The following DRD3 variants were observed in gnomAD, a reference collection of about 807,000 sequenced individuals.
DRD3 encodes the protein D(3) dopamine receptor.
DRD3 carries 19 observed loss-of-function variants against 36.3 expected under a neutral mutation model. The observed-to-expected ratio is 0.52, with a 90% CI of 0.36 to 0.77. The LOEUF (loss-of-function observed/expected upper bound fraction) is 0.77. Among genes scored for constraint, DRD3 ranks in the 30% least tolerant of loss-of-function variants. The probability of loss-of-function intolerance (pLI) is 0.00; values close to 1 mark genes in which losing one functional copy is unlikely to be tolerated. For synonymous variants in DRD3, 195 were observed against 203.7 expected (o/e 0.96, Z 0.36); for missense variants, 465 against 505.3 (o/e 0.92, Z 0.77).
At chr3:114,175,505 C>T (rs958073672) in intron 1 of DRD3, among the ~76,000 whole-genome samples, 31 of 152,244 alleles carry the variant, frequency 2.0e-4, no homozygotes, top group African/African-American at 7.5e-4. Context: ...GAAGTTGAAA[C>T]AATTAGCTGA....
At chr3:114,139,426 T>G (rs1387709944) in intron 5 of DRD3, 74 bp downstream of exon 5, 1 of 1,417,288 alleles carries the variant, frequency 7.1e-7, no homozygotes, top group Admixed American at 2.1e-5. Context: ...GGCAAAATCA[T>G]GCACTGCTGG....
At chr3:114,147,625 T>C (rs1409927561) in intron 3 of DRD3, 68 bp from the exon 4 acceptor site, 16 of 1,556,996 alleles carry the variant, frequency 1.0e-5, no homozygotes, top group Non-Finnish European at 1.3e-5. Flanking sequence ...TTCTGCGTTG[T>C]TGTTGTTGTT....
intron 4 of DRD3, among the ~76,000 whole-genome samples, chr3:114,141,008 C>T (rs1039815154): frequency 5.3e-5 from 8 of 152,120 alleles, no homozygotes; most frequent in East Asian, 1.9e-4. Flanking sequence ...ATCTTGGACA[C>T]GTTTCTTTAA....
chr3:114,196,951 C>T (rs926551276), intron 1 of DRD3, among the ~76,000 whole-genome samples: 9 of 150,268 alleles, frequency 6.0e-5, no homozygotes, highest in African/African-American at 2.0e-4. Flanking sequence ...ACCTAATAGT[C>T]TTTTTTAAAT....
chr3:114,196,607 C>T (rs1172648171), intron 1 of DRD3, among the ~76,000 whole-genome samples: 1 of 151,758 alleles, frequency 6.6e-6, no homozygotes, highest in Non-Finnish European at 1.5e-5. Context: ...ACCAACAATG[C>T]ATAAATGTTC....
At chr3:114,136,616 A>G (rs1204993019) in intron 5 of DRD3, among the ~76,000 whole-genome samples, 4 of 152,244 alleles carry the variant, frequency 2.6e-5, no homozygotes, top group Non-Finnish European at 5.9e-5. Context: ...TATCGTTTAA[A>G]ATGATTATCT....
intron 1 of DRD3, chr3:114,176,246 T>C (rs942948810): frequency 2.6e-5 from 4 of 152,194 alleles, no homozygotes; most frequent in Non-Finnish European, 5.9e-5. Flanking sequence ...TACTACTGTG[T>C]GGCAAGTATG....
intron 5 of DRD3, among the ~76,000 whole-genome samples, chr3:114,133,586 G>T (rs2077449670): frequency 6.6e-6 from 1 of 152,232 alleles, no homozygotes; most frequent in Admixed American, 6.5e-5. Context: ...CTTTAGGCAA[G>T]TTAATTTAAT....
intron 1 of DRD3, among the ~76,000 whole-genome samples, chr3:114,196,970 A>C (rs58600014): frequency 0.079 from 11,592 of 147,552 alleles, 588 homozygotes; most frequent in South Asian, 0.12. Flanking sequence ...ATTTATTTTT[A>C]TTTTTTTCTT....
chr3:114,169,397 C>G (rs927812996), intron 2 of DRD3, among the ~76,000 whole-genome samples: 1 of 149,688 alleles, frequency 6.7e-6, no homozygotes, highest in Non-Finnish European at 1.5e-5. Flanking sequence ...AAAAAGAGGT[C>G]CTAAAGCCAG....
chr3:114,147,919 G>C (rs112436694), intron 3 of DRD3, among the ~76,000 whole-genome samples: 2 of 152,310 alleles, frequency 1.3e-5, no homozygotes, highest in African/African-American at 4.8e-5. Flanking sequence ...GATTACAGGC[G>C]TGAGCCACCA....
chr3:114,172,256 AT>A (rs2077853505), intron 1 of DRD3, among the ~76,000 whole-genome samples: 1 of 152,242 alleles, frequency 6.6e-6, no homozygotes, highest in African/African-American at 2.4e-5. Context: ...AACAAGATAA[AT>A]AAAAGATGTG....
At chr3:114,140,883 G>A (rs2077518062) in intron 4 of DRD3, among the ~76,000 whole-genome samples, 1 of 152,180 alleles carries the variant, frequency 6.6e-6, no homozygotes, top group Non-Finnish European at 1.5e-5. Flanking sequence ...GTGGGCTGGT[G>A]GGGAGAGGGC....
Position 114,147,537 on chromosome 3 carries a change from G to T in DRD3, c.404C>A (p.Pro135His), listed in dbSNP as rs199862630. 9 of 1,613,710 alleles carry T rather than the reference G, an allele frequency of 5.6e-6. No homozygotes were observed. In the Admixed American group the frequency reaches 1.2e-4, roughly 21 times the overall value. The change falls in exon 4 of 7, where the codon CCC becomes CAC. Residue 135 changes from proline to histidine, a missense_variant. Pro to His is a moderately conservative substitution (Grantham distance 77). Transcript: ENST00000383673. Reference sequence around the variant, plus strand: ...TCCCGTGCCATGCTGGTAGTGAACGGGCATGACCACTGCAGTGTACCTGAA... The same window carrying T: ...TCCCGTGCCATGCTGGTAGTGAACGTGCATGACCACTGCAGTGTACCTGAA... ...SIDRYTAVVMPVHYQHGTGQS... is the reference protein window; with the variant it reads ...SIDRYTAVVMHVHYQHGTGQS...
At chr3:114,180,898 T>A (rs2077943801), upstream of DRD3, among the ~76,000 whole-genome samples, 1 of 152,176 alleles carries the variant, frequency 6.6e-6, no homozygotes, top group African/African-American at 2.4e-5. Flanking sequence ...GGCTGTTATG[T>A]GAGCAGAATG....
rs115870008 is a variant in DRD3 at position 114,167,108 on chromosome 3, C to T, written c.270+4615G>A. ...GCTATTCTTTTCTTTCATCACAGTC[C>T]GACCTCGATCGCTTTTTCTGTGGTG... On this transcript the variant is annotated intron_variant, in intron 2 of 6. Transcript: ENST00000383673. Among the ~76,000 whole-genome samples the T allele has an allele frequency of 1.8e-4, 27 of 152,196 alleles. No individual in the cohort carries two copies. The South Asian group carries it at 4.4e-3, about 25-fold the overall frequency.
At chr3:114,134,951 G>T (rs77383761) in intron 5 of DRD3, among the ~76,000 whole-genome samples, 7 of 152,064 alleles carry the variant, frequency 4.6e-5, no homozygotes, top group African/African-American at 9.6e-5. Flanking sequence ...TTTTCTTCTA[G>T]GTATTCTGAA....
chr3:114,171,695 A>G, intron 2 of DRD3, 28 bp downstream of exon 2: 3 of 1,556,824 alleles, frequency 1.9e-6, no homozygotes, highest in Non-Finnish European at 2.6e-6. Context: ...ACAGTCATAG[A>G]GACAACATGC....
intron 1 of DRD3, among the ~76,000 whole-genome samples, chr3:114,190,433 TATATATATATATATATATATATATATATA>T (rs1408885825): frequency 0.015 from 122 of 7,954 alleles, 2 homozygotes; most frequent in African/African-American, 0.061. Flanking sequence ...TATATATATA[TATATATATATATATATATATATATATATA>T]TTTTTTTTTT....
Sources: allele counts gnomAD v4.1 joint callset (sites outside exome capture counted in the v4.1 genomes callset), GRCh38; gene constraint gnomAD v4.1.1; transcripts MANE v1.5; gene names NCBI Gene and HGNC (gene_info 2026-07-23, HGNC 2026-07-21).